Variants in MTIF3 observed in about 807,000 individuals in gnomAD.
MTIF3 encodes mitochondrial translational initiation factor 3.
In MTIF3, 13 loss-of-function variants were observed where a neutral mutation model predicts 20.7. That is an observed-to-expected ratio of 0.63 (90% CI 0.41 to 1.00). The LOEUF (loss-of-function observed/expected upper bound fraction) is 1.00. Ranked by LOEUF, MTIF3 falls within the 50% of genes least tolerant of loss-of-function variation. MTIF3 has a pLI of 0.00. For missense variants in MTIF3, 295 were observed against 324.5 expected (o/e 0.91, Z 0.70); for synonymous variants, 114 against 112.5 (o/e 1.01, Z -0.08).
intron 1 of MTIF3, among the ~76,000 whole-genome samples, chr13:27,446,112 A>G (rs1448814837): frequency 1.3e-5 from 2 of 151,896 alleles, no homozygotes; most frequent in South Asian, 2.1e-4. Flanking sequence ...ACTGGAGTGC[A>G]GTGGGGCAAT....
At chr13:27,438,164 T>C (rs183682497) in intron 3 of MTIF3, among the ~76,000 whole-genome samples, 5 of 152,200 alleles carry the variant, frequency 3.3e-5, no homozygotes, top group East Asian at 1.9e-4. Context: ...TTTAGGTTCA[T>C]AGACCCTAGA....
chr13:27,438,059 A>G (rs781274763), intron 3 of MTIF3, among the ~76,000 whole-genome samples: 3 of 152,200 alleles, frequency 2.0e-5, no homozygotes, highest in Non-Finnish European at 4.4e-5. Flanking sequence ...CACAGAAGAA[A>G]AAAGTGAAAT....
At chr13:27,442,397 G>A (rs1014151384) in intron 2 of MTIF3, among the ~76,000 whole-genome samples, 1 of 151,812 alleles carries the variant, frequency 6.6e-6, no homozygotes, top group Admixed American at 6.6e-5. Flanking sequence ...ACAGCTTCCC[G>A]ACTGCTCTTC....
At chr13:27,445,340 T>C (rs1954148535) in intron 1 of MTIF3, among the ~76,000 whole-genome samples, 184 bp from the exon 2 acceptor site, 1 of 151,838 alleles carries the variant, frequency 6.6e-6, no homozygotes, top group Admixed American at 6.6e-5. Context: ...GCCAGGTGTG[T>C]TGACACGCAA....
At chr13:27,447,947 A>G (rs1566089621) in intron 1 of MTIF3, among the ~76,000 whole-genome samples, 1 of 151,992 alleles carries the variant, frequency 6.6e-6, no homozygotes, top group African/African-American at 2.4e-5. Context: ...TTATTTATTT[A>G]TTTATTTTTG....
At chr13:27,438,456 C>T (rs1016453022) in intron 3 of MTIF3, among the ~76,000 whole-genome samples, 2 of 148,908 alleles carry the variant, frequency 1.3e-5, no homozygotes, top group Admixed American at 1.3e-4. Context: ...CACCACAGCA[C>T]TCCAGCCTGG....
At chr13:27,437,811 G>A (rs1426889253) in intron 3 of MTIF3, among the ~76,000 whole-genome samples, 1 of 152,124 alleles carries the variant, frequency 6.6e-6, no homozygotes, top group East Asian at 1.9e-4. Context: ...ATGACAAAAA[G>A]TTAGGTCTCC....
chr13:27,435,887 T>G lies in MTIF3; in HGVS notation c.625A>C (p.Ile209Leu), dbSNP rs769908353. 6.2e-7 allele frequency: 1 copy of G among 1,609,306 alleles called. No individual in the cohort carries two copies. ...ATAGTCTGGAGTATTTGATGAAATATCTCCTCCTAAAAAAGGGAAACAGCC... is the reference window on the plus strand; with the variant it reads ...ATAGTCTGGAGTATTTGATGAAATAGCTCCTCCTAAAAAAGGGAAACAGCC... The part of the protein sequence containing the change: ...VDVSENEMEE[I>L]FHQILQTMPG... Residue 209 changes from isoleucine to leucine, a missense_variant, in exon 5 of 5, where the codon ATA becomes CTA. Coordinates refer to ENST00000381120, the MANE Select transcript of MTIF3 (RefSeq NM_152912.5).
In MTIF3 at chr13:27,435,808, G is replaced by C. The variant is rs1186233950; in HGVS notation, c.704C>G (p.Ala235Gly). The C allele has an allele frequency of 1.2e-6, 2 of 1,613,994 alleles. No homozygotes were observed. Among genetic ancestry groups the C allele is most frequent in the Non-Finnish European group, 1.7e-6 (2 of 1,180,032 alleles). ...SRPQAVQGGK[A>G]LMCVLRAFSK... is the part of the protein sequence containing the mutation. ...GAAAGCACGAAGAACACACATTAAA[G>C]CTTTTCCTCCTTGAACAGCTTGTGG... The change falls in exon 5 of 5, where the codon GCT becomes GGT. Residue 235 changes from alanine to glycine, a missense_variant. Coordinates refer to ENST00000381120, the MANE Select transcript of MTIF3 (RefSeq NM_152912.5).
intron 1 of MTIF3, among the ~76,000 whole-genome samples, chr13:27,449,057 T>A (rs61622854): frequency 0.13 from 19,313 of 148,274 alleles, 1,458 homozygotes; most frequent in Non-Finnish European, 0.16. Context: ...TCAAAAAAAA[T>A]TTTTTTTTAA....
At chr13:27,447,943 ATTTAT>A (rs1183303232) in intron 1 of MTIF3, among the ~76,000 whole-genome samples, 1 of 151,966 alleles carries the variant, frequency 6.6e-6, no homozygotes, top group Non-Finnish European at 1.5e-5. Flanking sequence ...CCCTTTATTT[ATTTAT>A]TTATTTTTGG....
rs1593196225 is a variant in MTIF3, at chr13:27,443,191, T to C, written c.-2+1897A>G. Among the ~76,000 whole-genome samples the C allele has an allele frequency of 3.9e-5, 6 of 152,348 alleles. No individual in the cohort carries two copies. In the South Asian group the frequency reaches 8.3e-4, roughly 21 times the overall value. On this transcript the variant is annotated intron_variant, in intron 2 of 4. Coordinates refer to ENST00000381120, the MANE Select transcript of MTIF3 (RefSeq NM_152912.5). ...CCACAGTGTATGACATGCATTGATT[T>C]ATGGTTATTACCCAGCTGGTGGCTC...
intron 1 of MTIF3, chr13:27,449,993 G>A (rs989122588): frequency 6.6e-6 from 1 of 152,454 alleles, no homozygotes; most frequent in African/African-American, 2.4e-5. Context: ...CGCAACAGCA[G>A]GCAGCAAGAA....
At chr13:27,436,142 G>T (rs1027228681) in intron 4 of MTIF3, among the ~76,000 whole-genome samples, 1 of 152,142 alleles carries the variant, frequency 6.6e-6, no homozygotes, top group Non-Finnish European at 1.5e-5. Flanking sequence ...AAGAGGCTAC[G>T]TTTGGCTCAG....
chr13:27,443,672 T>C (rs969819730), intron 2 of MTIF3, among the ~76,000 whole-genome samples: 4 of 152,192 alleles, frequency 2.6e-5, no homozygotes, highest in Admixed American at 6.5e-5. Context: ...TTAGTAGTTA[T>C]GAATAAGAGC....
At chr13:27,446,556 A>G (rs1428191520) in intron 1 of MTIF3, among the ~76,000 whole-genome samples, 2 of 152,246 alleles carry the variant, frequency 1.3e-5, no homozygotes, top group Non-Finnish European at 2.9e-5. Flanking sequence ...GAACAAATCA[A>G]TAGCCTAGAG....
chr13:27,446,645 T>C (rs1013113982), intron 1 of MTIF3, among the ~76,000 whole-genome samples: 3 of 152,258 alleles, frequency 2.0e-5, no homozygotes, highest in African/African-American at 7.2e-5. Flanking sequence ...ATTTAATACA[T>C]TGACATTCTG....
intron 4 of MTIF3, among the ~76,000 whole-genome samples, chr13:27,436,886 G>T (rs1953787036): frequency 6.6e-6 from 1 of 151,558 alleles, no homozygotes; most frequent in African/African-American, 2.4e-5. Flanking sequence ...CCAGTAGCTG[G>T]GACTACAGGT....
chr13:27,435,895 T>TA lies in MTIF3; in HGVS notation c.619-3dup. On this transcript the variant is annotated splice_region_variant and splice_polypyrimidine_tract_variant and intron_variant, in intron 4 of 4. Transcript: ENST00000381120. ...GAGTATTTGATGAAATATCTCCTCC[T>TA]AAAAAAGGGAAACAGCCAAAGATTA... 2 of 1,603,892 alleles carry TA rather than the reference T, an allele frequency of 1.2e-6. No individual in the cohort carries two copies. Among genetic ancestry groups the TA allele is most frequent in the Non-Finnish European group, 1.7e-6 (2 of 1,172,728 alleles).
Sources: gnomAD v4.1 joint callset for allele counts (sites outside exome capture counted in the v4.1 genomes callset) on GRCh38, gnomAD v4.1.1 for gene constraint, MANE v1.5 for transcripts, NCBI Gene and HGNC (gene_info 2026-07-23, HGNC 2026-07-21) for gene names.